Variants in ULK4 observed in about 807,000 individuals in gnomAD.
ULK4 encodes the protein inactive serine/threonine-protein kinase ULK4.
Under a neutral mutation model 160.6 loss-of-function variants are expected in ULK4, and 133 were observed. The observed-to-expected ratio is 0.83, with a 90% CI of 0.72 to 0.96. The LOEUF is 0.96. Ranked by LOEUF, ULK4 falls within the 40% of genes least tolerant of loss-of-function variation. The pLI is 0.00. For synonymous variants in ULK4, 534 were observed against 539.8 expected (o/e 0.99, Z 0.15); for missense variants, 1,580 against 1,499.5 (o/e 1.05, Z -0.89).
intron 35 of ULK4, among the ~76,000 whole-genome samples, chr3:41,252,317 A>G (rs1168781466): frequency 2.0e-5 from 3 of 152,354 alleles, no homozygotes; most frequent in South Asian, 2.1e-4. Flanking sequence ...ACAAAATGAC[A>G]TATGTTGGAA....
At chr3:41,767,947 T>C (rs1188957337) in intron 21 of ULK4, among the ~76,000 whole-genome samples, 1 of 152,186 alleles carries the variant, frequency 6.6e-6, no homozygotes, top group Non-Finnish European at 1.5e-5. Flanking sequence ...CACAGACCAG[T>C]ACTGGCCTGT....
intron 27 of ULK4, among the ~76,000 whole-genome samples, chr3:41,697,512 T>A (rs1414282931): frequency 6.6e-6 from 1 of 152,196 alleles, no homozygotes; most frequent in Non-Finnish European, 1.5e-5. Context: ...AAAATGAGTG[T>A]CATTACAAAA....
At chr3:41,590,294 G>A (rs937549469) in intron 31 of ULK4, among the ~76,000 whole-genome samples, 2 of 150,282 alleles carry the variant, frequency 1.3e-5, no homozygotes, top group Non-Finnish European at 1.5e-5. Context: ...GAGCCACCGC[G>A]CCCGGCCCCC....
chr3:41,326,723 G>A (rs1211913224), intron 35 of ULK4, among the ~76,000 whole-genome samples: 1 of 152,140 alleles, frequency 6.6e-6, no homozygotes, highest in Non-Finnish European at 1.5e-5. Context: ...CACTTTACCT[G>A]GATTAGTGAG....
rs1351882182 is a variant in ULK4, at chr3:41,896,928, G to C, written c.1424C>G (p.Thr475Ser). 1 of 1,613,560 alleles carries C rather than the reference G, an allele frequency of 6.2e-7. No individual in the cohort carries two copies. Residue 475 changes from threonine to serine, a missense_variant, in exon 15 of 37, where the codon ACT becomes AGT. Coordinates refer to ENST00000301831, the MANE Select transcript of ULK4 (RefSeq NM_017886.4). ...TCGGGAGGCCCCCATGCTCTTCTCA[G>C]TGGAGTCGATCTGCGAGCACACTTG... ...LQQVCSQIDS[T>S]EKSMGASRAK...
chr3:41,904,560 G>A (rs1211106044), intron 12 of ULK4, among the ~76,000 whole-genome samples: 1 of 152,108 alleles, frequency 6.6e-6, no homozygotes, highest in Non-Finnish European at 1.5e-5. Flanking sequence ...TCTGCCAGAA[G>A]AGCTTCAACA....
At chr3:41,503,347 C>T (rs1028991094) in intron 32 of ULK4, among the ~76,000 whole-genome samples, 2 of 152,216 alleles carry the variant, frequency 1.3e-5, no homozygotes, top group African/African-American at 4.8e-5. Context: ...TAACTGGTGA[C>T]CCCAAGGGCT....
chr3:41,372,768 A>T (rs1441735105), intron 35 of ULK4, among the ~76,000 whole-genome samples: 1 of 152,242 alleles, frequency 6.6e-6, no homozygotes, highest in Non-Finnish European at 1.5e-5. Context: ...TCATAATGAC[A>T]GGATCAAATT....
chr3:41,696,324 A>C (rs191785332), intron 27 of ULK4, among the ~76,000 whole-genome samples: 4 of 152,168 alleles, frequency 2.6e-5, no homozygotes, highest in South Asian at 4.2e-4. Context: ...GAAAGTACTA[A>C]AAGTTTCTGA....
At chr3:41,558,710 A>AG (rs1467824144) in intron 32 of ULK4, among the ~76,000 whole-genome samples, 1 of 151,332 alleles carries the variant, frequency 6.6e-6, no homozygotes, top group African/African-American at 2.4e-5. Flanking sequence ...TCTCAAAAAA[A>AG]AAAGAAAAGA....
At chr3:41,293,567 T>G (rs2079614002) in intron 35 of ULK4, among the ~76,000 whole-genome samples, 1 of 152,184 alleles carries the variant, frequency 6.6e-6, no homozygotes, top group South Asian at 2.1e-4. Flanking sequence ...TCATCTAGTG[T>G]TAGGAGCCTG....
chr3:41,317,486 TTATTGATAAC>T (rs2080167894), intron 35 of ULK4, among the ~76,000 whole-genome samples: 1 of 150,450 alleles, frequency 6.6e-6, no homozygotes, highest in Admixed American at 6.6e-5. Flanking sequence ...GATAATGATA[TTATTGATAAC>T]GATTGATAAT....
At chr3:41,828,717 T>A (rs1045414980) in intron 18 of ULK4, among the ~76,000 whole-genome samples, 1 of 151,872 alleles carries the variant, frequency 6.6e-6, no homozygotes, top group Admixed American at 6.6e-5. Context: ...ATGGCCATAC[T>A]GCCCAAGATA....
chr3:41,465,969 G>A (rs1233132034), intron 32 of ULK4, among the ~76,000 whole-genome samples: 1 of 152,262 alleles, frequency 6.6e-6, no homozygotes, highest in African/African-American at 2.4e-5. Context: ...GACGAAGATA[G>A]AAACTACCAA....
intron 6 of ULK4, 56 bp downstream of exon 6, chr3:41,919,661 A>G: frequency 7.0e-7 from 1 of 1,436,788 alleles, no homozygotes; most frequent in East Asian, 2.3e-5. Context: ...CAAAGTACAG[A>G]CTTAACCTGG....
intron 27 of ULK4, among the ~76,000 whole-genome samples, chr3:41,694,585 G>A (rs2036425584): frequency 1.3e-5 from 2 of 152,054 alleles, no homozygotes; most frequent in African/African-American, 2.4e-5. Context: ...GAGAGAGATT[G>A]GTTCCAGAAT....
chr3:41,954,734 T>A lies in ULK4; in HGVS notation c.26A>T (p.Glu9Val), dbSNP rs1330987470. 6.2e-7 allele frequency: 1 copy of A among 1,613,710 alleles called. No homozygotes were observed. The highest frequency in any genetic ancestry group is 1.7e-5 in the Admixed American group (1 of 59,892). MENFILYE[E>V]IGRGSKTVVY... ...AACAGTCTTGCTTCCTCTTCCGATC[T>A]CCTCATACAGAATAAAGTTTTCCAT... The change falls in exon 2 of 37, where the codon GAG becomes GTG. Residue 9 changes from glutamate (E) to valine (V), a missense_variant. Physicochemically the swap from Glu to Val is moderately radical, Grantham distance 121. Coordinates refer to ENST00000301831, the MANE Select transcript of ULK4 (RefSeq NM_017886.4).
chr3:41,444,479 A>G (rs943367290), intron 34 of ULK4, among the ~76,000 whole-genome samples: 2 of 152,058 alleles, frequency 1.3e-5, no homozygotes, highest in Non-Finnish European at 2.9e-5. Context: ...AGTTATTACC[A>G]TTCTGCCCAA....
intron 32 of ULK4, among the ~76,000 whole-genome samples, chr3:41,492,819 A>G (rs7620606): frequency 0.84 from 113,967 of 135,412 alleles, 48,641 homozygotes; most frequent in Middle Eastern, 0.93. Flanking sequence ...CAAAGATCAA[A>G]ACAGACAAAG....
Sources: gnomAD v4.1 joint callset for allele counts (sites outside exome capture counted in the v4.1 genomes callset) on GRCh38, gnomAD v4.1.1 for gene constraint, MANE v1.5 for transcripts, NCBI Gene and HGNC (gene_info 2026-07-23, HGNC 2026-07-21) for gene names.